Variants in LCLAT1 observed in about 807,000 individuals in gnomAD.
The protein encoded by LCLAT1 is 1-AGP acyltransferase 8.
LCLAT1 carries 11 observed loss-of-function variants against 30.7 expected under a neutral mutation model. That is an observed-to-expected ratio of 0.36 (90% CI 0.23 to 0.59). The LOEUF (loss-of-function observed/expected upper bound fraction) is 0.59. Among genes scored for constraint, LCLAT1 ranks in the 20% least tolerant of loss-of-function variants. The pLI, the probability that LCLAT1 is intolerant of heterozygous loss-of-function variation, is 0.77. For missense variants in LCLAT1, 402 were observed against 458.6 expected, an observed-to-expected ratio of 0.88 and a Z score of 1.13; for synonymous variants, 155 against 151.3, an observed-to-expected ratio of 1.02 and a Z score of -0.18.
At chr2:30,456,819 A>G (rs566924461) in intron 1 of LCLAT1, among the ~76,000 whole-genome samples, 50 of 152,284 alleles carry the variant, frequency 3.3e-4, no homozygotes, top group African/African-American at 1.1e-3. Flanking sequence ...TTGTTTACCT[A>G]TAATGGCCAG....
At chr2:30,593,323 T>G (rs1325328167) in intron 5 of LCLAT1, among the ~76,000 whole-genome samples, 1 of 152,202 alleles carries the variant, frequency 6.6e-6, no homozygotes, top group African/African-American at 2.4e-5. Flanking sequence ...GATAGACAGG[T>G]TCTAAGTCCG....
rs960637702 is a variant in LCLAT1, at chr2:30,514,667, G to A, written c.-4-10920G>A. Among the ~76,000 whole-genome samples the A allele has an allele frequency of 5.9e-5, 9 of 152,142 alleles. No individual in the cohort carries two copies. In the East Asian group the frequency reaches 1.7e-3, roughly 29 times the overall value. On this transcript the variant is annotated intron_variant, in intron 1 of 5. Transcript: ENST00000379509. ...CCTAACCTCCTAACTTTATAAGTGA[G>A]GTGTCCAGGTTAAGTAATGTGGTTG...
chr2:30,473,349 CTTTCT>C (rs1682891810), intron 1 of LCLAT1, among the ~76,000 whole-genome samples: 1 of 152,124 alleles, frequency 6.6e-6, no homozygotes, highest in African/African-American at 2.4e-5. Context: ...CTATTACGAT[CTTTCT>C]TTTAAGTTAG....
rs1464888512 is a variant in LCLAT1 at position 30,642,728 on chromosome 2, A to G, written c.*2109A>G. 1.3e-5 allele frequency: 2 copies of G among 149,810 alleles called. No individual in the cohort carries two copies. Among genetic ancestry groups the G allele is most frequent in the Admixed American group, 6.7e-5 (1 of 14,998 alleles). 9.3% of individuals were successfully genotyped at this position (149,810 alleles called of 1,614,324 possible). ...TTTTACAATTTTGTTCCTTTTCATC[A>G]TAGAAAACATGTTTAAGATAAAATA... On this transcript the variant is annotated 3_prime_UTR_variant, in exon 6 of 6. Coordinates refer to ENST00000379509, the MANE Select transcript of LCLAT1 (RefSeq NM_001002257.3).
At chr2:30,479,738 A>G (rs547473862) in intron 1 of LCLAT1, among the ~76,000 whole-genome samples, 2 of 152,298 alleles carry the variant, frequency 1.3e-5, no homozygotes, top group Admixed American at 1.3e-4. Flanking sequence ...ATTAAGTCAT[A>G]TACTTAGGAT....
intron 5 of LCLAT1, among the ~76,000 whole-genome samples, chr2:30,600,892 C>T (rs868838696): frequency 2.0e-5 from 3 of 152,240 alleles, no homozygotes; most frequent in Middle Eastern, 6.8e-3. Context: ...CAACTTGGTT[C>T]CATTCTCCCT....
At chr2:30,622,174 C>G (rs553268622) in intron 5 of LCLAT1, among the ~76,000 whole-genome samples, 13 of 152,228 alleles carry the variant, frequency 8.5e-5, no homozygotes, top group African/African-American at 3.1e-4. Context: ...ACAGCAGAGG[C>G]AGCCATAATC....
At chr2:30,524,135 C>G (rs13034406) in intron 1 of LCLAT1, among the ~76,000 whole-genome samples, 27,400 of 151,982 alleles carry the variant, frequency 0.18, 2,983 homozygotes, top group Non-Finnish European at 0.24. Flanking sequence ...CAGTTTTTCT[C>G]TAACATAGTT....
At chr2:30,556,899 C>G (rs1173628071) in intron 3 of LCLAT1, among the ~76,000 whole-genome samples, 1 of 152,076 alleles carries the variant, frequency 6.6e-6, no homozygotes, top group African/African-American at 2.4e-5. Context: ...CGTGCCCCAC[C>G]ACGCCCGGCT....
At chr2:30,556,211 TAAAC>T (rs1447908081) in intron 3 of LCLAT1, among the ~76,000 whole-genome samples, 1 of 152,174 alleles carries the variant, frequency 6.6e-6, no homozygotes, top group Admixed American at 6.5e-5. Context: ...GCAATATACA[TAAAC>T]AAATGAGTAT....
intron 3 of LCLAT1, among the ~76,000 whole-genome samples, chr2:30,558,060 G>T (rs1217039152): frequency 6.6e-6 from 1 of 152,068 alleles, no homozygotes; most frequent in East Asian, 1.9e-4. Context: ...AGAACACATG[G>T]AATAACATCC....
At chr2:30,498,896 C>G (rs745434640) in intron 1 of LCLAT1, among the ~76,000 whole-genome samples, 8 of 152,170 alleles carry the variant, frequency 5.3e-5, no homozygotes, top group East Asian at 1.9e-4. Context: ...GAAGCCTGCC[C>G]TTAGGCTCCT....
At chr2:30,483,846 A>G (rs1314736185) in intron 1 of LCLAT1, among the ~76,000 whole-genome samples, 1 of 152,188 alleles carries the variant, frequency 6.6e-6, no homozygotes. Context: ...AGTGAATGGG[A>G]ACGAGTACTG....
intron 3 of LCLAT1, among the ~76,000 whole-genome samples, chr2:30,535,487 A>G (rs1309035974): frequency 6.6e-6 from 1 of 152,196 alleles, no homozygotes; most frequent in Non-Finnish European, 1.5e-5. Context: ...CAGTAAAGCC[A>G]CACCACAGCA....
At position 30,601,605 on chromosome 2, in the gene LCLAT1, G is replaced by C. The variant is rs536067508; in HGVS notation, c.628+33429G>C. ...CAACAAATACTTTCAGTATTCACAT[G>C]AATATGACTAATTTAGTACAGACTC... On this transcript the variant is annotated intron_variant, in intron 5 of 5. Coordinates refer to ENST00000379509, the MANE Select transcript of LCLAT1 (RefSeq NM_001002257.3). Among the ~76,000 whole-genome samples the C allele has an allele frequency of 1.7e-3, 262 of 152,104 alleles. 3 individuals carry two copies. Among genetic ancestry groups the C allele is most frequent in the Non-Finnish European group, 3.1e-3 (211 of 68,014 alleles).
rs147590414 is a variant in LCLAT1 at position 30,506,477 on chromosome 2, G to A, written c.-4-19110G>A. On this transcript the variant is annotated intron_variant, in intron 1 of 5. Transcript: ENST00000379509. ...TTCTATTTATTTTTAATTAATAGTC[G>A]CTTCCTAAAGGAATTTAAAGTTTTT... Among the ~76,000 whole-genome samples the A allele has an allele frequency of 2.4e-4, 36 of 152,038 alleles. No homozygotes were observed. In the East Asian group the frequency reaches 5.6e-3, roughly 24 times the overall value.
At chr2:30,507,657 G>A (rs1201729724) in intron 1 of LCLAT1, among the ~76,000 whole-genome samples, 4 of 152,082 alleles carry the variant, frequency 2.6e-5, no homozygotes, top group Admixed American at 2.6e-4. Context: ...CTTTTTTATG[G>A]CTGCATAGTA....
chr2:30,623,420 T>C (rs1668363163), intron 5 of LCLAT1, among the ~76,000 whole-genome samples: 1 of 151,832 alleles, frequency 6.6e-6, no homozygotes, highest in Non-Finnish European at 1.5e-5. Flanking sequence ...ATAGCATAGA[T>C]AAAAAACAAC....
intron 1 of LCLAT1, among the ~76,000 whole-genome samples, chr2:30,476,159 A>G (rs1289718076): frequency 6.6e-6 from 1 of 152,232 alleles, no homozygotes; most frequent in Non-Finnish European, 1.5e-5. Flanking sequence ...CCTTTATTGA[A>G]GATTTACTCT....
Sources: allele counts gnomAD v4.1 joint callset (sites outside exome capture counted in the v4.1 genomes callset), GRCh38; gene constraint gnomAD v4.1.1; transcripts MANE v1.5; gene names NCBI Gene and HGNC (gene_info 2026-07-23, HGNC 2026-07-21).